ASPRV1: variants seen among roughly 807,000 people sequenced by gnomAD.
ASPRV1 encodes the protein retroviral-like aspartic protease 1.
In ASPRV1, 7 loss-of-function variants were observed where a neutral mutation model predicts 11.0. The ratio of observed to expected loss-of-function variants is 0.64; its 90% CI spans 0.36 to 1.20. The LOEUF (loss-of-function observed/expected upper bound fraction) is 1.20, where lower values mean the gene tolerates loss of function less well. ASPRV1 is among the 50% of genes most tolerant of loss of function. The pLI, the probability that ASPRV1 is intolerant of heterozygous loss-of-function variation, is 0.02. For synonymous variants in ASPRV1, 136 were observed against 138.4 expected, an observed-to-expected ratio of 0.98 and a Z score of 0.12; for missense variants, 299 against 320.0, an observed-to-expected ratio of 0.93 and a Z score of 0.50.
chr2:69,937,727 G>A, the ASPRV1 span, among the ~76,000 whole-genome samples: 25 of 152,290 alleles, frequency 1.6e-4, no homozygotes, highest in East Asian at 4.8e-3. Flanking sequence ...CGATTCCCCT[G>A]CCTAAGCCTC....
chr2:69,963,745 G>T (rs1043082681), upstream of ASPRV1, among the ~76,000 whole-genome samples: 1 of 152,176 alleles, frequency 6.6e-6, no homozygotes, highest in Non-Finnish European at 1.5e-5. Flanking sequence ...CCTCCATGAG[G>T]AGTATAACAA....
the ASPRV1 span, among the ~76,000 whole-genome samples, chr2:70,054,553 G>C: frequency 6.6e-6 from 1 of 151,672 alleles, no homozygotes; most frequent in Non-Finnish European, 1.5e-5. Context: ...CTCCAGCCTG[G>C]GTGACAGAGC....
chr2:69,958,198 C>G (rs1203880102), downstream of ASPRV1, among the ~76,000 whole-genome samples: 2 of 152,200 alleles, frequency 1.3e-5, no homozygotes, highest in East Asian at 3.8e-4. Context: ...TGTGATCACT[C>G]TCACCCGCAT....
the ASPRV1 span, among the ~76,000 whole-genome samples, chr2:69,953,428 C>G: frequency 6.6e-6 from 1 of 152,216 alleles, no homozygotes; most frequent in South Asian, 2.1e-4. Context: ...GACGGGGCCT[C>G]CTTGTGCCCG....
upstream of ASPRV1, among the ~76,000 whole-genome samples, chr2:69,966,357 C>T (rs1572878454): frequency 6.6e-6 from 1 of 152,390 alleles, no homozygotes; most frequent in South Asian, 2.1e-4. Context: ...GGTGCCCCCA[C>T]CCTAGACCAA....
chr2:70,071,971 A>G, the ASPRV1 span, among the ~76,000 whole-genome samples: 1 of 150,326 alleles, frequency 6.7e-6, no homozygotes, highest in African/African-American at 2.4e-5. Flanking sequence ...TTTTTTTATG[A>G]GAAAGAGTCT....
chr2:70,009,455 G>A, the ASPRV1 span, among the ~76,000 whole-genome samples: 15 of 151,954 alleles, frequency 9.9e-5, no homozygotes, highest in African/African-American at 3.1e-4. Context: ...TCAGCCTCCC[G>A]AGTAGCTGGG....
At chr2:70,075,610 G>A in the ASPRV1 span, among the ~76,000 whole-genome samples, 17 of 152,124 alleles carry the variant, frequency 1.1e-4, no homozygotes, top group Non-Finnish European at 1.9e-4. Context: ...ACTTAGGGAG[G>A]CTGAGGCAGG....
chr2:70,008,885 C>T, the ASPRV1 span, among the ~76,000 whole-genome samples: 4 of 152,248 alleles, frequency 2.6e-5, no homozygotes, highest in Non-Finnish European at 5.9e-5. Context: ...CCAGTCAAGG[C>T]ATTCAGTCTG....
At chr2:70,024,782 CCAGA>C in the ASPRV1 span, among the ~76,000 whole-genome samples, 2 of 152,124 alleles carry the variant, frequency 1.3e-5, no homozygotes, top group African/African-American at 2.4e-5. Flanking sequence ...CCTGAAACTT[CCAGA>C]CAGAGGAGTT....
the ASPRV1 span, chr2:69,998,195 C>G: frequency 1.3e-5 from 2 of 151,782 alleles, no homozygotes; most frequent in Admixed American, 1.3e-4. Flanking sequence ...CACCCAACCT[C>G]CCACCAATAG....
At chr2:69,956,550 A>C (rs1369667104), downstream of ASPRV1, among the ~76,000 whole-genome samples, 1 of 151,872 alleles carries the variant, frequency 6.6e-6, no homozygotes, top group African/African-American at 2.4e-5. Context: ...GGAGAAGAAG[A>C]AGAAGGAGAT....
chr2:70,019,975 C>A, the ASPRV1 span, among the ~76,000 whole-genome samples: 2 of 151,922 alleles, frequency 1.3e-5, no homozygotes, highest in Non-Finnish European at 2.9e-5. Context: ...TTTAGCCATT[C>A]CACAATGTGT....
chr2:69,983,776 T>C, the ASPRV1 span, among the ~76,000 whole-genome samples: 1 of 152,142 alleles, frequency 6.6e-6, no homozygotes, highest in African/African-American at 2.4e-5. Flanking sequence ...CTGCTTCCCT[T>C]ATTCTGGACA....
chr2:69,986,606 G>A, the ASPRV1 span, among the ~76,000 whole-genome samples: 4 of 152,354 alleles, frequency 2.6e-5, no homozygotes, highest in Non-Finnish European at 4.4e-5. Context: ...GACCACAGGC[G>A]CTGCCCTGGG....
At chr2:70,018,329 T>C in the ASPRV1 span, among the ~76,000 whole-genome samples, 2,309 of 152,090 alleles carry the variant, frequency 0.015, 69 homozygotes, top group African/African-American at 0.053. Context: ...GAAGAATTAA[T>C]ATTAAAATGC....
At chr2:70,067,997 C>T in the ASPRV1 span, among the ~76,000 whole-genome samples, 12 of 152,214 alleles carry the variant, frequency 7.9e-5, no homozygotes, top group Admixed American at 1.3e-4. Flanking sequence ...TTGAGGTTCA[C>T]GTATTCTGGC....
At chr2:70,011,762 A>G in the ASPRV1 span, 5 of 152,478 alleles carry the variant, frequency 3.3e-5, no homozygotes, top group Non-Finnish European at 5.9e-5. Flanking sequence ...CCTGCAGGTG[A>G]TGGTTAAAGA....
the ASPRV1 span, among the ~76,000 whole-genome samples, chr2:69,949,326 C>G: frequency 6.6e-6 from 1 of 152,094 alleles, no homozygotes; most frequent in Non-Finnish European, 1.5e-5. Context: ...TTAAGAGAGA[C>G]AGAGGAGAAC....
Sources: allele counts gnomAD v4.1 joint callset (sites outside exome capture counted in the v4.1 genomes callset), GRCh38; gene constraint gnomAD v4.1.1; transcripts MANE v1.5; gene names NCBI Gene and HGNC (gene_info 2026-07-23, HGNC 2026-07-21).